The following FOCAD variants were observed in gnomAD, a reference collection of about 807,000 sequenced individuals.
FOCAD encodes the protein KIAA1797.
Under a neutral mutation model 225.6 loss-of-function variants are expected in FOCAD, and 198 were observed. The ratio of observed to expected loss-of-function variants is 0.88; its 90% CI spans 0.78 to 0.99. The LOEUF (loss-of-function observed/expected upper bound fraction) is 0.99, where lower values mean the gene tolerates loss of function less well. Among genes scored for constraint, FOCAD ranks in the 50% least tolerant of loss-of-function variants. The pLI is 0.00. For synonymous variants in FOCAD, 897 were observed against 755.0 expected (o/e 1.19, Z -3.08); for missense variants, 2,713 against 2,123.6 (o/e 1.28, Z -5.46).
At chr9:20,825,947 A>T (rs1824844564) in intron 15 of FOCAD, among the ~76,000 whole-genome samples, 1 of 152,110 alleles carries the variant, frequency 6.6e-6, no homozygotes, top group Non-Finnish European at 1.5e-5. Flanking sequence ...CTGACCATAA[A>T]GGCAAGAATT....
chr9:20,803,719 T>A (rs1211490788), intron 11 of FOCAD, among the ~76,000 whole-genome samples: 1 of 152,100 alleles, frequency 6.6e-6, no homozygotes, highest in Non-Finnish European at 1.5e-5. Context: ...GAACTTAATC[T>A]TGCAGACTTG....
intron 18 of FOCAD, among the ~76,000 whole-genome samples, chr9:20,871,864 T>C: frequency 1.3e-5 from 2 of 148,534 alleles, no homozygotes; most frequent in Non-Finnish European, 3.0e-5. Context: ...CATATGTAAC[T>C]AACCTGCACA....
intron 4 of FOCAD, among the ~76,000 whole-genome samples, chr9:20,733,448 T>C (rs1826878103): frequency 1.3e-5 from 2 of 152,158 alleles, no homozygotes; most frequent in South Asian, 2.1e-4. Flanking sequence ...GCTGGTGTGC[T>C]GCACCCATTA....
chr9:20,762,526 A>G (rs1829695651), intron 6 of FOCAD, among the ~76,000 whole-genome samples: 1 of 152,250 alleles, frequency 6.6e-6, no homozygotes, highest in Non-Finnish European at 1.5e-5. Flanking sequence ...CCAAGTGAAT[A>G]AATTAATGAA....
At chr9:20,714,850 A>G (rs777852440) in intron 1 of FOCAD, among the ~76,000 whole-genome samples, 1 of 152,134 alleles carries the variant, frequency 6.6e-6, no homozygotes, top group Non-Finnish European at 1.5e-5. Context: ...GGTCTTTTCT[A>G]TACTTCTTGA....
In FOCAD at chr9:20,982,356, G is replaced by C. The variant is rs1840773285; in HGVS notation, c.4639-1G>C. 1 of 1,606,752 alleles carries C rather than the reference G, an allele frequency of 6.2e-7. No homozygotes were observed. Among genetic ancestry groups the C allele is most frequent in the South Asian group, 1.1e-5 (1 of 89,826 alleles). On this transcript the variant is annotated splice_acceptor_variant, in intron 38 of 43. Transcript: ENST00000338382. LOFTEE classifies it high-confidence loss of function. ...ACATGTTTGGGATTTTTCTTTATCA[G>C]AGAAAGGATCTAGAGCTGTATATCA...
chr9:20,782,441 C>A (rs951636572), intron 10 of FOCAD, among the ~76,000 whole-genome samples: 1 of 152,132 alleles, frequency 6.6e-6, no homozygotes, highest in Non-Finnish European at 1.5e-5. Flanking sequence ...TATTCTGCTG[C>A]CTCCAACTGG....
intron 1 of FOCAD, among the ~76,000 whole-genome samples, chr9:20,709,298 T>A (rs1824643971): frequency 6.6e-6 from 1 of 152,188 alleles, no homozygotes; most frequent in African/African-American, 2.4e-5. Flanking sequence ...AGGTTGGAGA[T>A]AAATCTTTGA....
At chr9:20,667,215 T>C (rs1305892851) in intron 2 of FOCAD, among the ~76,000 whole-genome samples, 1 of 152,232 alleles carries the variant, frequency 6.6e-6, no homozygotes, top group Non-Finnish European at 1.5e-5. Context: ...GCTTGTCTCA[T>C]ATTATCATCT....
intron 34 of FOCAD, chr9:20,952,449 C>G (rs1401402766): frequency 6.6e-6 from 1 of 152,522 alleles, no homozygotes; most frequent in African/African-American, 2.4e-5. Flanking sequence ...CACTGCTTCA[C>G]CATTCCAGCT....
intron 11 of FOCAD, among the ~76,000 whole-genome samples, chr9:20,795,486 A>C (rs1295757084): frequency 6.6e-6 from 1 of 152,138 alleles, no homozygotes; most frequent in East Asian, 1.9e-4. Flanking sequence ...AATAATTAAG[A>C]AGACACAGCA....
At position 20,733,250 on chromosome 9, in the gene FOCAD, A is replaced by T. The variant is rs113212919; in HGVS notation, c.288-6986A>T. Among the ~76,000 whole-genome samples, 744 of 152,230 alleles carry T rather than the reference A, an allele frequency of 4.9e-3. 4 individuals are homozygous for T. Among genetic ancestry groups the T allele is most frequent in the Non-Finnish European group, 7.9e-3 (540 of 68,018 alleles). On this transcript the variant is annotated intron_variant, in intron 4 of 43. Coordinates refer to ENST00000338382, the MANE Select transcript of FOCAD (RefSeq NM_001375567.1). The stretch of plus-strand genomic sequence containing the variant: ...TGACATGTTTTTGTGTCTGTGCTAA[A>T]CTGTGACTGAATACAGGTCCTAAGC...
At chr9:20,761,022 G>T (rs558209148) in intron 6 of FOCAD, among the ~76,000 whole-genome samples, 13 of 151,506 alleles carry the variant, frequency 8.6e-5, no homozygotes, top group African/African-American at 1.9e-4. Context: ...AGATTTTTTG[G>T]GGGGGGGCGT....
At chr9:20,827,104 A>G (rs1019952910) in intron 15 of FOCAD, among the ~76,000 whole-genome samples, 1 of 152,114 alleles carries the variant, frequency 6.6e-6, no homozygotes, top group Non-Finnish European at 1.5e-5. Flanking sequence ...GAGTTTAAGT[A>G]TATTCAGAGA....
rs540000230 is a variant in FOCAD, at chr9:20,765,263, C to T, written c.699+190C>T. On this transcript the variant is annotated intron_variant, in intron 7 of 43. Transcript: ENST00000338382. ...AGATTTAATATGAATATATTATATTCGATATTAACTAAATACACAGAAATT... is the reference window on the plus strand; with the variant it reads ...AGATTTAATATGAATATATTATATTTGATATTAACTAAATACACAGAAATT... Among the ~76,000 whole-genome samples the T allele has an allele frequency of 1.1e-4, 17 of 152,092 alleles. No homozygotes were observed. In the East Asian group the frequency reaches 2.5e-3, roughly 22 times the overall value.
chr9:20,867,530 A>C (rs949106003), intron 18 of FOCAD, among the ~76,000 whole-genome samples: 4 of 152,092 alleles, frequency 2.6e-5, no homozygotes, highest in Non-Finnish European at 2.9e-5. Context: ...GAAAAGAGGA[A>C]GTCAAATTGT....
At chr9:20,741,506 A>T (rs1827609842) in intron 5 of FOCAD, among the ~76,000 whole-genome samples, 1 of 151,942 alleles carries the variant, frequency 6.6e-6, no homozygotes, top group Admixed American at 6.6e-5. Flanking sequence ...TGCATTTTAT[A>T]TTTTTTCTTA....
intron 2 of FOCAD, among the ~76,000 whole-genome samples, chr9:20,667,172 A>G (rs1203469290): frequency 6.6e-6 from 1 of 152,238 alleles, no homozygotes; most frequent in African/African-American, 2.4e-5. Context: ...TAAAGTCACT[A>G]AAATCATCCT....
At chr9:20,797,229 C>G (rs150389086) in intron 11 of FOCAD, among the ~76,000 whole-genome samples, 27 of 152,078 alleles carry the variant, frequency 1.8e-4, no homozygotes, top group African/African-American at 6.3e-4. Context: ...GCCTTGTAGT[C>G]TAGTTTGAAG....
Sources: gnomAD v4.1 joint callset for allele counts (sites outside exome capture counted in the v4.1 genomes callset) on GRCh38, gnomAD v4.1.1 for gene constraint, MANE v1.5 for transcripts, NCBI Gene and HGNC (gene_info 2026-07-23, HGNC 2026-07-21) for gene names.